The following ATP9B variants were observed in gnomAD, a reference collection of about 807,000 sequenced individuals.
ATP9B encodes ATPase phospholipid transporting 9B, also known as probable phospholipid-transporting ATPase IIB.
In ATP9B, 110 loss-of-function variants were observed where a neutral mutation model predicts 146.1. The ratio of observed to expected loss-of-function variants is 0.75; its 90% CI spans 0.65 to 0.88. ATP9B has a LOEUF of 0.88. Ranked by LOEUF, ATP9B falls within the 40% of genes least tolerant of loss-of-function variation. ATP9B has a pLI of 0.00. For missense variants in ATP9B, 1,499 were observed against 1,496.4 expected (o/e 1.00, Z -0.03); for synonymous variants, 604 against 569.7 (o/e 1.06, Z -0.86).
intron 11 of ATP9B, among the ~76,000 whole-genome samples, chr18:79,234,317 T>C (rs1246013722): frequency 6.6e-6 from 1 of 152,236 alleles, no homozygotes; most frequent in Non-Finnish European, 1.5e-5. Flanking sequence ...AAATTTAGAA[T>C]GTGAAATTCC....
intron 15 of ATP9B, among the ~76,000 whole-genome samples, chr18:79,327,417 G>A (rs745633013): frequency 3.3e-5 from 5 of 151,736 alleles, no homozygotes; most frequent in East Asian, 3.9e-4. Flanking sequence ...GGTGTGGGAC[G>A]TTGCAGAGAG....
chr18:79,071,461 C>T (rs1000957442), intron 1 of ATP9B, among the ~76,000 whole-genome samples: 70 of 117,902 alleles, frequency 5.9e-4, no homozygotes, highest in African/African-American at 1.9e-3. Flanking sequence ...GTGATGCGAT[C>T]GTAGCTCATT....
At chr18:79,243,457 T>C (rs887247437) in intron 11 of ATP9B, among the ~76,000 whole-genome samples, 2 of 152,240 alleles carry the variant, frequency 1.3e-5, no homozygotes, top group African/African-American at 4.8e-5. Context: ...AGGTGCCAGA[T>C]ATCTGGAGAA....
intron 13 of ATP9B, among the ~76,000 whole-genome samples, chr18:79,297,229 TGACCCAGAGAGGAGACGCAGAC>T (rs2096557789): frequency 9.1e-6 from 1 of 109,624 alleles, no homozygotes; most frequent in African/African-American, 4.0e-5. Flanking sequence ...GACAGAGAGA[TGACCCAGAGAGGAGACGCAGAC>T]GACCCAGAGA....
intron 13 of ATP9B, among the ~76,000 whole-genome samples, chr18:79,285,250 G>A (rs2096425111): frequency 1.3e-5 from 2 of 151,690 alleles, no homozygotes; most frequent in South Asian, 4.2e-4. Context: ...GTGTAAAAGT[G>A]TTCCTATTTC....
chr18:79,303,214 T>G (rs527639749), intron 13 of ATP9B, among the ~76,000 whole-genome samples: 6 of 152,090 alleles, frequency 3.9e-5, no homozygotes, highest in African/African-American at 1.4e-4. Context: ...ACAAAAAAAT[T>G]AGCTGGGTGT....
chr18:79,241,523 T>C (rs963719824), intron 11 of ATP9B, among the ~76,000 whole-genome samples: 1 of 152,208 alleles, frequency 6.6e-6, no homozygotes, highest in African/African-American at 2.4e-5. Flanking sequence ...ATACAGAGTC[T>C]CACTTAGAAA....
intron 4 of ATP9B, among the ~76,000 whole-genome samples, chr18:79,126,009 G>A (rs759603823): frequency 1.3e-5 from 2 of 152,058 alleles, no homozygotes; most frequent in Non-Finnish European, 2.9e-5. Context: ...GGGTTACTAG[G>A]TATTTTCTGA....
intron 1 of ATP9B, among the ~76,000 whole-genome samples, chr18:79,082,782 C>T (rs574909313): frequency 1.5e-4 from 23 of 152,212 alleles, no homozygotes; most frequent in Non-Finnish European, 2.9e-4. Flanking sequence ...CTGGAAGCTT[C>T]GTCCCAAAGG....
rs1219708995 is a variant in ATP9B at position 79,069,519 on chromosome 18, C to G, written c.109C>G (p.Arg37Gly). 2 of 1,420,234 alleles carry G rather than the reference C, an allele frequency of 1.4e-6. No homozygotes were observed. The highest frequency in any genetic ancestry group is 5.9e-5 in the Admixed American group (2 of 33,896). 88.0% of individuals were successfully genotyped at this position (1,420,234 alleles called of 1,614,324 possible). Residue 37 changes from arginine (R) to glycine (G), a missense_variant, in exon 1 of 30, where the codon CGG (arginine) becomes GGG (glycine). Physicochemically the swap from Arg to Gly is moderately radical, Grantham distance 125. Transcript: ENST00000426216. ...CGCGGGGCCCAGGCCGGGAGCCGAC[C>G]GGCACAGCAGGTAACCGAGGCGGCA... ...SAAGPRPGADRHSRYQLEDES... is the reference protein window; with the variant it reads ...SAAGPRPGADGHSRYQLEDES...
intron 2 of ATP9B, among the ~76,000 whole-genome samples, chr18:79,107,699 C>A (rs529503272): frequency 6.6e-6 from 1 of 152,166 alleles, no homozygotes; most frequent in South Asian, 2.1e-4. Context: ...TGCCTGCTCA[C>A]AAGTGATTCA....
intron 11 of ATP9B, among the ~76,000 whole-genome samples, chr18:79,218,447 C>T (rs1006029146): frequency 8.8e-5 from 13 of 147,566 alleles, no homozygotes; most frequent in South Asian, 2.2e-4. Context: ...CCTTGTCTCA[C>T]GCAGGCTGGC....
At chr18:79,075,506 T>C (rs1306143603) in intron 1 of ATP9B, among the ~76,000 whole-genome samples, 1 of 152,234 alleles carries the variant, frequency 6.6e-6, no homozygotes, top group African/African-American at 2.4e-5. Flanking sequence ...TGCATACACA[T>C]TTGAGATTCC....
Position 79,214,769 on chromosome 18 carries a change from C to T in ATP9B, c.1107+731C>T, listed in dbSNP as rs78692426. Among the ~76,000 whole-genome samples, 696 of 152,294 alleles carry T rather than the reference C, an allele frequency of 4.6e-3. 9 individuals carry two copies. The highest frequency in any genetic ancestry group is 0.016 in the African/African-American group (656 of 41,560). On this transcript the variant is annotated intron_variant, in intron 11 of 29. Coordinates refer to ENST00000426216, the MANE Select transcript of ATP9B (RefSeq NM_198531.5). ...AAAATCCTCACATGGATTTATGCCT[C>T]ACTCTGTGGGTAATTAATAGTGAAG...
chr18:79,342,442 A>G, intron 20 of ATP9B, 76 bp downstream of exon 20: 1 of 960,308 alleles, frequency 1.0e-6, no homozygotes, highest in Non-Finnish European at 1.6e-6. Context: ...TTTTGTCAGA[A>G]TATATATTTA....
At chr18:79,231,701 A>G (rs2148580119) in intron 11 of ATP9B, among the ~76,000 whole-genome samples, 1 of 151,858 alleles carries the variant, frequency 6.6e-6, no homozygotes, top group East Asian at 1.9e-4. Context: ...ATAGCAGCAC[A>G]ATTCACGATT....
chr18:79,091,811 G>T (rs1401211927), intron 1 of ATP9B, among the ~76,000 whole-genome samples: 1 of 152,142 alleles, frequency 6.6e-6, no homozygotes, highest in East Asian at 1.9e-4. Flanking sequence ...CCAGTACTAT[G>T]TCGAGTAACA....
At chr18:79,163,720 A>C (rs2094918046) in intron 7 of ATP9B, among the ~76,000 whole-genome samples, 1 of 151,878 alleles carries the variant, frequency 6.6e-6, no homozygotes, top group East Asian at 1.9e-4. Flanking sequence ...GTTTATTTAA[A>C]TATATGTATG....
chr18:79,328,765 G>A (rs1022481880), intron 15 of ATP9B, among the ~76,000 whole-genome samples: 6 of 152,174 alleles, frequency 3.9e-5, no homozygotes, highest in African/African-American at 1.4e-4. Flanking sequence ...CATGGAACTG[G>A]GGAGGGAGAA....
Sources: allele counts gnomAD v4.1 joint callset (sites outside exome capture counted in the v4.1 genomes callset), GRCh38; gene constraint gnomAD v4.1.1; transcripts MANE v1.5; gene names NCBI Gene and HGNC (gene_info 2026-07-23, HGNC 2026-07-21).